The following DCTN4 variants were observed in gnomAD, a reference collection of about 807,000 sequenced individuals.
DCTN4 encodes dynactin 4 (p62).
DCTN4 carries 23 observed loss-of-function variants against 62.7 expected under a neutral mutation model. The ratio of observed to expected loss-of-function variants is 0.37; its 90% CI spans 0.26 to 0.52. The LOEUF (loss-of-function observed/expected upper bound fraction) is 0.52. Ranked by LOEUF, DCTN4 falls within the 20% of genes least tolerant of loss-of-function variation. The pLI is 0.92. For missense variants in DCTN4, 514 were observed against 580.4 expected (o/e 0.89, Z 1.18); for synonymous variants, 199 against 202.1 (o/e 0.98, Z 0.13).
At chr5:150,732,194 G>C (rs572703501) in intron 5 of DCTN4, among the ~76,000 whole-genome samples, 170 of 152,274 alleles carry the variant, frequency 1.1e-3, no homozygotes, top group African/African-American at 3.9e-3. Context: ...CCGTCACCCA[G>C]GCTGGAGTGC....
At chr5:150,718,002 T>C (rs1432082076) in intron 11 of DCTN4, among the ~76,000 whole-genome samples, 4 of 152,198 alleles carry the variant, frequency 2.6e-5, no homozygotes, top group African/African-American at 9.6e-5. Context: ...ATCACCCTGG[T>C]GGCAAGAGAG....
At chr5:150,733,613 G>T in intron 4 of DCTN4, 138 bp from the exon 5 acceptor site, 1 of 556,710 alleles carries the variant, frequency 1.8e-6, no homozygotes. Flanking sequence ...TTTCTTCTAA[G>T]ATAATTTTTC....
chr5:150,733,529 A>C (rs1016393502), intron 4 of DCTN4, 54 bp from the exon 5 acceptor site: 2 of 1,323,104 alleles, frequency 1.5e-6, no homozygotes, highest in South Asian at 2.4e-5. Flanking sequence ...AAACATATCA[A>C]ATTAATCAAC....
Position 150,731,527 on chromosome 5 carries a change from T to G in DCTN4, c.538-38A>C, listed in dbSNP as rs1271335373. On this transcript the variant is annotated intron_variant, in intron 5 of 12. Transcript: ENST00000447998. ...CAGAAATTCCTATTAGAAAGTCCAC[T>G]TTTACACACCCTATTTATCAAAAGA... 4 of 1,507,634 alleles carry G rather than the reference T, an allele frequency of 2.7e-6. No individual in the cohort carries two copies. In the African/African-American group the frequency reaches 5.5e-5, roughly 21 times the overall value. The allele number at this position is 1,507,634 out of a possible 1,614,324, so 93.4% of individuals were successfully genotyped here. A position where few individuals can be genotyped will look rare whatever the true frequency, so the allele number is the denominator to read the frequency against.
intron 8 of DCTN4, among the ~76,000 whole-genome samples, chr5:150,725,862 C>G (rs974597502): frequency 1.1e-4 from 17 of 152,072 alleles, no homozygotes; most frequent in African/African-American, 1.7e-4. Flanking sequence ...CAGGTCTCTC[C>G]AAGCTGGCTA....
chr5:150,739,343 A>G (rs1044803099), intron 4 of DCTN4, among the ~76,000 whole-genome samples: 1 of 152,130 alleles, frequency 6.6e-6, no homozygotes, highest in African/African-American at 2.4e-5. Flanking sequence ...CAAAAAACAA[A>G]AACAAAATGC....
At chr5:150,745,120 A>G (rs2113116376) in intron 3 of DCTN4, among the ~76,000 whole-genome samples, 1 of 150,692 alleles carries the variant, frequency 6.6e-6, no homozygotes, top group East Asian at 2.0e-4. Context: ...TGGAAAACAA[A>G]AAAAGGCAGG....
At chr5:150,727,705 G>A (rs1320883688) in intron 8 of DCTN4, among the ~76,000 whole-genome samples, 1 of 147,540 alleles carries the variant, frequency 6.8e-6, no homozygotes, top group African/African-American at 2.5e-5. Flanking sequence ...GAACCCGGGA[G>A]GCGGAGCTTG....
intron 12 of DCTN4, among the ~76,000 whole-genome samples, chr5:150,711,748 G>C (rs1306312749): frequency 6.6e-6 from 1 of 152,098 alleles, no homozygotes; most frequent in Non-Finnish European, 1.5e-5. Flanking sequence ...TCGAACACCA[G>C]GGCTCAGGTG....
intron 7 of DCTN4, 21 bp from the exon 8 acceptor site, chr5:150,730,761 C>T (rs1164310356): frequency 6.2e-7 from 1 of 1,604,576 alleles, no homozygotes; most frequent in Non-Finnish European, 8.5e-7. Context: ...AGGCAGAAAA[C>T]AGGCTTAGTT....
At chr5:150,736,310 A>G (rs1760580395) in intron 4 of DCTN4, 2 of 152,248 alleles carry the variant, frequency 1.3e-5, no homozygotes, top group Non-Finnish European at 2.9e-5. Flanking sequence ...CACAGTCATC[A>G]GGTTATCTAA....
intron 5 of DCTN4, 67 bp downstream of exon 5, chr5:150,733,301 T>C: frequency 8.6e-7 from 1 of 1,168,950 alleles, no homozygotes; most frequent in African/African-American, 1.5e-5. Context: ...CAATGGCCAT[T>C]TTCTGAAATG....
At chr5:150,726,659 G>T (rs182865593) in intron 8 of DCTN4, among the ~76,000 whole-genome samples, 1 of 152,130 alleles carries the variant, frequency 6.6e-6, no homozygotes, top group African/African-American at 2.4e-5. Context: ...ATATTAAAGA[G>T]ACCTGTACTG....
At chr5:150,730,405 T>G (rs1161064411) in intron 8 of DCTN4, among the ~76,000 whole-genome samples, 1 of 152,246 alleles carries the variant, frequency 6.6e-6, no homozygotes, top group Admixed American at 6.5e-5. Flanking sequence ...GATACTTCAT[T>G]TTCTACATTT....
chr5:150,721,828 A>AT (rs955975574), intron 9 of DCTN4, among the ~76,000 whole-genome samples: 1 of 151,786 alleles, frequency 6.6e-6, no homozygotes, highest in Non-Finnish European at 1.5e-5. Context: ...TCTTAAAAAA[A>AT]TTTTTTTTTC....
At chr5:150,748,615 T>G (rs890779480) in intron 3 of DCTN4, among the ~76,000 whole-genome samples, 1 of 150,840 alleles carries the variant, frequency 6.6e-6, no homozygotes, top group East Asian at 1.9e-4. Context: ...CCACAAAAAA[T>G]GATGAGTTCA....
chr5:150,723,004 C>T (rs367686687), intron 8 of DCTN4, 24 bp from the exon 9 acceptor site: 275 of 1,531,796 alleles, frequency 1.8e-4, no homozygotes, highest in African/African-American at 5.5e-5. Flanking sequence ...AAATATAACA[C>T]GTATCAGAAG....
chr5:150,739,154 C>A (rs1215679644), intron 4 of DCTN4, among the ~76,000 whole-genome samples: 1 of 149,414 alleles, frequency 6.7e-6, no homozygotes, highest in African/African-American at 2.5e-5. Context: ...GCACTCCAGT[C>A]TGGCTGACAG....
chr5:150,755,450 C>T (rs1752823655), intron 2 of DCTN4: 4 of 447,778 alleles, frequency 8.9e-6, no homozygotes, highest in South Asian at 6.3e-5. Flanking sequence ...TAGCTCAAGC[C>T]AGATAATCAA....
Sources: gnomAD v4.1 joint callset for allele counts (sites outside exome capture counted in the v4.1 genomes callset) on GRCh38, gnomAD v4.1.1 for gene constraint, MANE v1.5 for transcripts, NCBI Gene and HGNC (gene_info 2026-07-23, HGNC 2026-07-21) for gene names.